Variants in UHMK1 observed in about 807,000 individuals in gnomAD.
The protein encoded by UHMK1 is U2AF homology motif kinase 1.
In UHMK1, 18 loss-of-function variants were observed where a neutral mutation model predicts 44.0. The observed-to-expected ratio is 0.41, with a 90% CI of 0.28 to 0.61. The LOEUF (loss-of-function observed/expected upper bound fraction) is 0.61, where lower values mean the gene tolerates loss of function less well. Among genes scored for constraint, UHMK1 ranks in the 20% least tolerant of loss-of-function variants. UHMK1 has a pLI of 0.31. For synonymous variants in UHMK1, 231 were observed against 198.5 expected (o/e 1.16, Z -1.38); for missense variants, 463 against 522.5 (o/e 0.89, Z 1.11).
chr1:162,516,084 T>G (rs897088492), intron 6 of UHMK1, among the ~76,000 whole-genome samples: 10 of 152,164 alleles, frequency 6.6e-5, no homozygotes, highest in Non-Finnish European at 1.3e-4. Flanking sequence ...GAATAAACCT[T>G]TAGACAACCA....
intron 1 of UHMK1, among the ~76,000 whole-genome samples, chr1:162,499,013 A>AT (rs1024592074): frequency 1.3e-5 from 2 of 152,114 alleles, no homozygotes; most frequent in Admixed American, 6.6e-5. Context: ...CTAGTGCTAC[A>AT]TTTTTTTAGT....
chr1:162,499,328 C>A (rs1336453134), intron 1 of UHMK1, among the ~76,000 whole-genome samples: 1 of 152,110 alleles, frequency 6.6e-6, no homozygotes, highest in Non-Finnish European at 1.5e-5. Context: ...CACGTAGCAC[C>A]AAGCCTGGCT....
Position 162,522,773 on chromosome 1 carries a change from A to T in UHMK1, c.*223A>T, listed in dbSNP as rs1652106182. ...TACATTGAGGGGTTTTAGAGCATCC[A>T]TGTGGGCAACCCTTTTTTGTGCGGG... On this transcript the variant is annotated 3_prime_UTR_variant, in exon 8 of 8. Coordinates refer to ENST00000489294, the MANE Select transcript of UHMK1 (RefSeq NM_175866.5). The T allele has an allele frequency of 2.4e-6, 1 of 412,978 alleles. No individual in the cohort carries two copies. Among genetic ancestry groups the T allele is most frequent in the South Asian group, 6.4e-5 (1 of 15,610 alleles). The allele number at this position is 412,978 out of a possible 1,614,324, so 25.6% of individuals were successfully genotyped here.
chr1:162,512,534 G>T lies in UHMK1; in HGVS notation c.883G>T (p.Ala295Ser). 1 of 1,612,920 alleles carries T rather than the reference G, an allele frequency of 6.2e-7. No individual in the cohort carries two copies. The highest frequency in any genetic ancestry group is 8.5e-7 in the Non-Finnish European group (1 of 1,179,756). ...LHDDPSRRIP[A>S]EMALCSPFFS... The stretch of plus-strand genomic sequence containing the variant: ...TGATGATCCAAGCAGAAGAATTCCT[G>T]CTGAAATGGCATTGTGCAGCCCATT... The change falls in exon 5 of 8, where the codon GCT (alanine) becomes TCT (serine). Residue 295 changes from alanine to serine, a missense_variant. Coordinates refer to ENST00000489294, the MANE Select transcript of UHMK1 (RefSeq NM_175866.5).
intron 6 of UHMK1, among the ~76,000 whole-genome samples, chr1:162,513,341 G>A (rs920273080): frequency 6.6e-6 from 1 of 152,016 alleles, no homozygotes; most frequent in Non-Finnish European, 1.5e-5. Context: ...TATCTCTCTG[G>A]TCTGTCTCTT....
At chr1:162,518,007 T>C (rs922630832) in intron 6 of UHMK1, 95 bp from the exon 7 acceptor site, 6 of 771,120 alleles carry the variant, frequency 7.8e-6, no homozygotes, top group Admixed American at 6.8e-5. Flanking sequence ...TTACTAGTTA[T>C]GTATTCCTGA....
Position 162,525,354 on chromosome 1 carries a change from T to TG in UHMK1, c.*2807dup, listed in dbSNP as rs1223710339. 1.3e-5 allele frequency: 2 copies of TG among 152,192 alleles called. No individual in the cohort carries two copies. The highest frequency in any genetic ancestry group is 1.3e-4 in the Admixed American group (2 of 15,282). The allele number at this position is 152,192 out of a possible 1,614,324, so 9.4% of individuals were successfully genotyped here. A position where few individuals can be genotyped will look rare whatever the true frequency, so the allele number is the denominator to read the frequency against. On this transcript the variant is annotated 3_prime_UTR_variant, in exon 8 of 8. Transcript: ENST00000489294. ...TCATGTCACTTAACCCCTACCCTTT[T>TG]GGGCAAATTTTGTCTCAGGTAGTGT...
At chr1:162,497,696 T>G, upstream of UHMK1, 1 of 907,970 alleles carries the variant, frequency 1.1e-6, no homozygotes, top group Non-Finnish European at 1.5e-6. Flanking sequence ...TAATTAAGGT[T>G]ACTTCTTATT....
upstream of UHMK1, chr1:162,497,390 C>CG: frequency 1.5e-6 from 1 of 654,904 alleles, no homozygotes; most frequent in South Asian, 1.6e-5. Context: ...CGATGGTTGG[C>CG]GACACGGGGG....
rs980510182 is a variant in UHMK1, at chr1:162,529,221, G to C, written c.*6671G>C. 1 of 151,620 alleles carries C rather than the reference G, an allele frequency of 6.6e-6. No individual in the cohort carries two copies. Among genetic ancestry groups the C allele is most frequent in the African/African-American group, 2.4e-5 (1 of 41,264 alleles). The allele number at this position is 151,620 out of a possible 1,614,324, so 9.4% of individuals were successfully genotyped here. A position where few individuals can be genotyped will look rare whatever the true frequency, so the allele number is the denominator to read the frequency against. On this transcript the variant is annotated 3_prime_UTR_variant, in exon 8 of 8. Coordinates refer to ENST00000489294, the MANE Select transcript of UHMK1 (RefSeq NM_175866.5). The stretch of plus-strand genomic sequence containing the variant: ...CATTTCTTGGCACTGTGGTTCTGCT[G>C]TATTATTTGTGATGTCTTATTGTTT...
At chr1:162,520,996 G>A (rs1314555039) in intron 7 of UHMK1, among the ~76,000 whole-genome samples, 1 of 152,148 alleles carries the variant, frequency 6.6e-6, no homozygotes, top group African/African-American at 2.4e-5. Context: ...ATTTTGAGAA[G>A]TTTTCACTGA....
At chr1:162,498,479 G>T (rs2101666768) in intron 1 of UHMK1, among the ~76,000 whole-genome samples, 1 of 152,306 alleles carries the variant, frequency 6.6e-6, no homozygotes, top group Admixed American at 6.5e-5. Flanking sequence ...GTGTCACATA[G>T]ATGCTCAGTA....
rs142365903 is a variant in UHMK1, at chr1:162,528,435, G to A, written c.*5885G>A. ...CCTCAGAAAATTATTTTAAGAGTTT[G>A]TGAAACCAGATTAAATATCTATATT... On this transcript the variant is annotated 3_prime_UTR_variant, in exon 8 of 8. Coordinates refer to ENST00000489294, the MANE Select transcript of UHMK1 (RefSeq NM_175866.5). The A allele has an allele frequency of 6.6e-6, 1 of 152,090 alleles. No homozygotes were observed. Among genetic ancestry groups the A allele is most frequent in the African/African-American group, 2.4e-5 (1 of 41,552 alleles). 9.4% of individuals were successfully genotyped at this position (152,090 alleles called of 1,614,324 possible). A position where few individuals can be genotyped will look rare whatever the true frequency, so the allele number is the denominator to read the frequency against.
At chr1:162,520,978 A>G (rs1189431769) in intron 7 of UHMK1, among the ~76,000 whole-genome samples, 2 of 152,114 alleles carry the variant, frequency 1.3e-5, no homozygotes, top group African/African-American at 2.4e-5. Flanking sequence ...AGTGAGAGGA[A>G]AGTTGCTATT....
At chr1:162,514,368 A>G (rs549418393) in intron 6 of UHMK1, among the ~76,000 whole-genome samples, 1 of 152,234 alleles carries the variant, frequency 6.6e-6, no homozygotes, top group South Asian at 2.1e-4. Context: ...TTTGCAAAAG[A>G]AGGAAACTAT....
At chr1:162,522,308 C>G (rs1652087193) in intron 7 of UHMK1, 96 bp from the exon 8 acceptor site, 1 of 1,383,384 alleles carries the variant, frequency 7.2e-7, no homozygotes, top group Non-Finnish European at 9.9e-7. Flanking sequence ...ATTTTAATAA[C>G]ATCTCCAGTT....
At chr1:162,504,936 G>A (rs184200354) in intron 4 of UHMK1, among the ~76,000 whole-genome samples, 45 of 151,958 alleles carry the variant, frequency 3.0e-4, no homozygotes, top group African/African-American at 1.0e-3. Context: ...CACCATGCCC[G>A]GCTAATTTTT....
rs755608285 is a variant in UHMK1, at chr1:162,497,968, C to G, written c.-33C>G. ...GGCCGGCCTGCCTCAGGCGTCGCGT[C>G]AGCTCCCGTGTCCGTGCCCTTAACC... On this transcript the variant is annotated 5_prime_UTR_variant, in exon 1 of 8. Transcript: ENST00000489294. 1.3e-5 allele frequency: 19 copies of G among 1,465,164 alleles called. No individual in the cohort carries two copies. The highest frequency in any genetic ancestry group is 1.7e-5 in the Non-Finnish European group (19 of 1,109,008). The allele number at this position is 1,465,164 out of a possible 1,614,324, so 90.8% of individuals were successfully genotyped here. A position where few individuals can be genotyped will look rare whatever the true frequency, so the allele number is the denominator to read the frequency against.
intron 6 of UHMK1, among the ~76,000 whole-genome samples, chr1:162,517,873 TAA>T (rs201716522): frequency 7.0e-6 from 1 of 143,706 alleles, no homozygotes. Flanking sequence ...AGACTCTGTC[TAA>T]AAAAAAAAAG....
Sources: allele counts gnomAD v4.1 joint callset (sites outside exome capture counted in the v4.1 genomes callset), GRCh38; gene constraint gnomAD v4.1.1; transcripts MANE v1.5; gene names NCBI Gene and HGNC (gene_info 2026-07-23, HGNC 2026-07-21).